Variants in SEMA3A observed in about 807,000 individuals in gnomAD.
SEMA3A encodes semaphorin 3A.
SEMA3A carries 29 observed loss-of-function variants against 97.9 expected under a neutral mutation model. The ratio of observed to expected loss-of-function variants is 0.30; its 90% CI spans 0.22 to 0.40. SEMA3A has a LOEUF of 0.40. SEMA3A is among the 10% of genes least tolerant of loss of function. The probability of loss-of-function intolerance (pLI) is 1.00; values close to 1 mark genes in which losing one functional copy is unlikely to be tolerated. For synonymous variants in SEMA3A, 321 were observed against 323.7 expected (o/e 0.99, Z 0.09); for missense variants, 763 against 951.3 (o/e 0.80, Z 2.60).
intron 4 of SEMA3A, among the ~76,000 whole-genome samples, chr7:84,074,606 T>C (rs1303761149): frequency 6.6e-6 from 1 of 152,000 alleles, no homozygotes; most frequent in African/African-American, 2.4e-5. Flanking sequence ...AGAACCTCGG[T>C]GAAAGATAAA....
intron 3 of SEMA3A, among the ~76,000 whole-genome samples, chr7:84,267,346 A>G (rs1306698720): frequency 6.6e-6 from 1 of 152,146 alleles, no homozygotes; most frequent in Non-Finnish European, 1.5e-5. Context: ...ACATGCATGT[A>G]CACACGAGCA....
chr7:83,966,363 A>G (rs926404378), intron 15 of SEMA3A, among the ~76,000 whole-genome samples: 3 of 152,162 alleles, frequency 2.0e-5, no homozygotes, highest in African/African-American at 7.2e-5. Flanking sequence ...TCTCTTCAAG[A>G]AACATTCTGA....
intron 1 of SEMA3A, among the ~76,000 whole-genome samples, chr7:84,172,930 A>AT (rs1797437604): frequency 6.6e-6 from 1 of 152,136 alleles, no homozygotes; most frequent in Non-Finnish European, 1.5e-5. Context: ...TTAACCTTAG[A>AT]TTTTTGTTTC....
Position 84,440,429 on chromosome 7 carries a change from C to G in SEMA3A, c.-246+52031G>C, listed in dbSNP as rs190362498. On this transcript the variant is annotated intron_variant, in intron 1 of 3. Transcript: ENST00000424555. Reference sequence around the variant, plus strand: ...CTTTCCAAATGTCATAATTTGTGCTCTGATCTCTGATTGTTTCTTCTGATC... The same window carrying G: ...CTTTCCAAATGTCATAATTTGTGCTGTGATCTCTGATTGTTTCTTCTGATC... Among the ~76,000 whole-genome samples the G allele has an allele frequency of 9.1e-4, 139 of 152,290 alleles. 3 individuals are homozygous for G. Among genetic ancestry groups the G allele is most frequent in the Non-Finnish European group, 5.3e-4 (36 of 68,020 alleles).
chr7:84,312,900 A>G (rs1405424791), intron 2 of SEMA3A, among the ~76,000 whole-genome samples: 4 of 66,762 alleles, frequency 6.0e-5, no homozygotes, highest in African/African-American at 1.5e-4. Context: ...ATATATATAT[A>G]TATATATATA....
intron 3 of SEMA3A, among the ~76,000 whole-genome samples, chr7:84,213,140 G>A (rs777985598): frequency 6.6e-6 from 1 of 152,072 alleles, no homozygotes. Context: ...ACCATGCCCG[G>A]CTAATGTTGT....
intron 2 of SEMA3A, among the ~76,000 whole-genome samples, chr7:84,343,864 C>T (rs1006111780): frequency 4.6e-5 from 7 of 151,870 alleles, no homozygotes; most frequent in East Asian, 3.9e-4. Flanking sequence ...AAAACAGTCA[C>T]GTGTGGTGGC....
At chr7:84,452,240 T>C (rs1488634117) in intron 1 of SEMA3A, among the ~76,000 whole-genome samples, 1 of 152,114 alleles carries the variant, frequency 6.6e-6, no homozygotes. Context: ...AAAGTTATTA[T>C]TTTAAGGCAA....
intron 4 of SEMA3A, among the ~76,000 whole-genome samples, chr7:84,100,213 C>A (rs1794917563): frequency 6.6e-6 from 1 of 152,104 alleles, no homozygotes; most frequent in Non-Finnish European, 1.5e-5. Context: ...ACACTCATCA[C>A]TTTGTACAAA....
At chr7:84,260,518 C>T (rs900006893) in intron 3 of SEMA3A, among the ~76,000 whole-genome samples, 2 of 152,206 alleles carry the variant, frequency 1.3e-5, no homozygotes, top group Admixed American at 1.3e-4. Context: ...CCTTTCACCC[C>T]TGAAGGCTCG....
chr7:83,995,610 C>G (rs541314895), intron 12 of SEMA3A, among the ~76,000 whole-genome samples: 1 of 152,228 alleles, frequency 6.6e-6, no homozygotes, highest in South Asian at 2.1e-4. Context: ...TGAGAAATAG[C>G]AGGTAGTGAA....
At chr7:84,201,751 G>A (rs1236368464) in intron 3 of SEMA3A, among the ~76,000 whole-genome samples, 1 of 152,030 alleles carries the variant, frequency 6.6e-6, no homozygotes, top group East Asian at 1.9e-4. Context: ...GTATCAAACA[G>A]AACAGAAATA....
intron 3 of SEMA3A, among the ~76,000 whole-genome samples, chr7:84,219,119 G>A (rs932450836): frequency 2.0e-5 from 3 of 151,998 alleles, no homozygotes; most frequent in Middle Eastern, 3.4e-3. Context: ...AAACCAGTGA[G>A]AATAAAATAA....
chr7:84,402,240 T>C lies in SEMA3A; in HGVS notation c.-245-30340A>G, dbSNP rs1466109490. Among the ~76,000 whole-genome samples, 5 of 152,132 alleles carry C rather than the reference T, an allele frequency of 3.3e-5. No individual in the cohort carries two copies. In the South Asian group the frequency reaches 6.2e-4, roughly 19 times the overall value. On this transcript the variant is annotated intron_variant, in intron 1 of 3. Coordinates refer to the SEMA3A transcript ENST00000424555. ...AAAATCGACACCACGGCTGGGTATA[T>C]GGAAAAATGCTCAACATCATTCATA...
In SEMA3A at chr7:84,097,232, T is replaced by C. The variant is rs191890269; in HGVS notation, c.453+13238A>G. Among the ~76,000 whole-genome samples the C allele has an allele frequency of 5.5e-4, 84 of 152,236 alleles. No individual in the cohort carries two copies. In the East Asian group the frequency reaches 0.014, roughly 25 times the overall value. ...AAAGGATCTTGAACCCTGGCACGTATACAAAACCGCATTTGCAACACAAGA... is the reference window on the plus strand; with the variant it reads ...AAAGGATCTTGAACCCTGGCACGTACACAAAACCGCATTTGCAACACAAGA... On this transcript the variant is annotated intron_variant, in intron 4 of 16. Transcript: ENST00000265362.
chr7:84,200,680 T>G (rs574012262), intron 3 of SEMA3A, among the ~76,000 whole-genome samples: 1 of 152,192 alleles, frequency 6.6e-6, no homozygotes, highest in African/African-American at 2.4e-5. Context: ...TCTATCTGCT[T>G]AAGGGTCTTG....
At chr7:84,174,837 C>G (rs766878714) in intron 1 of SEMA3A, among the ~76,000 whole-genome samples, 2 of 151,920 alleles carry the variant, frequency 1.3e-5, no homozygotes, top group Non-Finnish European at 2.9e-5. Context: ...AGGTGTTGTT[C>G]TGTGTTTTAA....
intron 2 of SEMA3A, among the ~76,000 whole-genome samples, chr7:84,132,601 C>T (rs534050992): frequency 3.3e-4 from 48 of 144,436 alleles, no homozygotes; most frequent in Non-Finnish European, 5.3e-4. Context: ...TAAATACCTA[C>T]AATTTTAACT....
chr7:83,963,770 G>C (rs532564925), intron 15 of SEMA3A, among the ~76,000 whole-genome samples: 1 of 152,208 alleles, frequency 6.6e-6, no homozygotes, highest in African/African-American at 2.4e-5. Flanking sequence ...TGGAAACAAG[G>C]ATGTATTTCA....
Sources: gnomAD v4.1 joint callset for allele counts (sites outside exome capture counted in the v4.1 genomes callset) on GRCh38, gnomAD v4.1.1 for gene constraint, MANE v1.5 for transcripts, NCBI Gene and HGNC (gene_info 2026-07-23, HGNC 2026-07-21) for gene names.